The following DLGAP4 variants were observed in gnomAD, a reference collection of about 807,000 sequenced individuals.
The protein encoded by DLGAP4 is DLG associated protein 4.
Under a neutral mutation model 86.9 loss-of-function variants are expected in DLGAP4, and 18 were observed. That is an observed-to-expected ratio of 0.21 (90% CI 0.14 to 0.31). The LOEUF (loss-of-function observed/expected upper bound fraction) is 0.31, where lower values mean the gene tolerates loss of function less well. Ranked by LOEUF, DLGAP4 falls within the 10% of genes least tolerant of loss-of-function variation. The probability of loss-of-function intolerance (pLI) is 1.00; values close to 1 mark genes in which losing one functional copy is unlikely to be tolerated. For synonymous variants in DLGAP4, 548 were observed against 574.3 expected (o/e 0.95, Z 0.65); for missense variants, 1,085 against 1,362.6 (o/e 0.80, Z 3.21).
At chr20:36,497,324 A>G in intron 8 of DLGAP4, 1 of 1,345,798 alleles carries the variant, frequency 7.4e-7, no homozygotes, top group Non-Finnish European at 9.6e-7. Flanking sequence ...GAATGTAGTT[A>G]CACTCAGCCA....
At chr20:36,319,426 A>G (rs1282397352) in intron 1 of DLGAP4, among the ~76,000 whole-genome samples, 3 of 152,174 alleles carry the variant, frequency 2.0e-5, no homozygotes, top group African/African-American at 7.2e-5. Flanking sequence ...GCATACAGCA[A>G]GTCCCCAAAA....
chr20:36,494,966 GT>G lies in DLGAP4; in HGVS notation c.1649-1727del, dbSNP rs1176102036. ...CATCTCTACCAAAAGTAAAAAAGTG[GT>G]TTTTTTTTTTTGTTCGGTTTTTTTT... On this transcript the variant is annotated intron_variant, in intron 7 of 12. Coordinates refer to ENST00000339266, the MANE Select transcript of DLGAP4 (RefSeq NM_001365621.2). Among the ~76,000 whole-genome samples the G allele has an allele frequency of 3.5e-3, 378 of 108,678 alleles. 2 individuals are homozygous for G. Among genetic ancestry groups the G allele is most frequent in the Non-Finnish European group, 5.3e-3 (266 of 50,286 alleles). 71.3% of individuals were successfully genotyped at this position (108,678 alleles called of 152,430 possible).
chr20:36,346,922 C>T (rs541446004), intron 1 of DLGAP4, among the ~76,000 whole-genome samples: 29 of 152,196 alleles, frequency 1.9e-4, no homozygotes, highest in Non-Finnish European at 3.4e-4. Context: ...TTCAGTACCT[C>T]GGCCCAAGAC....
chr20:36,495,519 C>A (rs193275617), intron 7 of DLGAP4, among the ~76,000 whole-genome samples: 34 of 152,352 alleles, frequency 2.2e-4, no homozygotes, highest in Non-Finnish European at 4.6e-4. Context: ...CAACGTCACC[C>A]TCCCAGCAAA....
chr20:36,456,970 C>G (rs770026104), intron 7 of DLGAP4, among the ~76,000 whole-genome samples: 30 of 152,226 alleles, frequency 2.0e-4, no homozygotes, highest in Non-Finnish European at 3.2e-4. Flanking sequence ...GTTTATTGAT[C>G]AAGTGCTCTG....
intron 7 of DLGAP4, among the ~76,000 whole-genome samples, chr20:36,453,390 C>T (rs960078739): frequency 2.0e-5 from 3 of 152,152 alleles, no homozygotes; most frequent in African/African-American, 7.2e-5. Flanking sequence ...TGGCTCATAC[C>T]TATAATCCCA....
intron 1 of DLGAP4, among the ~76,000 whole-genome samples, chr20:36,315,808 A>G (rs2065094037): frequency 6.6e-6 from 1 of 152,130 alleles, no homozygotes; most frequent in Non-Finnish European, 1.5e-5. Flanking sequence ...CCTTCCCGGC[A>G]CTGGCATGGG....
intron 10 of DLGAP4, among the ~76,000 whole-genome samples, chr20:36,502,303 G>T (rs1329754881): frequency 6.6e-6 from 1 of 152,056 alleles, no homozygotes; most frequent in African/African-American, 2.4e-5. Context: ...AAAACGAATT[G>T]TTTGCCCTGT....
At chr20:36,403,314 A>G (rs996617588) in intron 2 of DLGAP4, among the ~76,000 whole-genome samples, 1 of 152,216 alleles carries the variant, frequency 6.6e-6, no homozygotes, top group Non-Finnish European at 1.5e-5. Context: ...CACTCCTGCA[A>G]TATCATTCAT....
At chr20:36,324,278 T>C (rs1029524565) in intron 1 of DLGAP4, among the ~76,000 whole-genome samples, 6 of 151,990 alleles carry the variant, frequency 3.9e-5, no homozygotes, top group African/African-American at 1.5e-4. Context: ...AATACAAAAA[T>C]TAGCTGGGTG....
At chr20:36,317,239 CTT>C (rs2065111006) in intron 1 of DLGAP4, among the ~76,000 whole-genome samples, 10 of 49,306 alleles carry the variant, frequency 2.0e-4, no homozygotes, top group African/African-American at 1.3e-3. Flanking sequence ...TTCTTTCTTT[CTT>C]TCTTTCTTTC....
intron 2 of DLGAP4, among the ~76,000 whole-genome samples, chr20:36,405,379 G>A (rs1227844158): frequency 6.6e-6 from 1 of 152,232 alleles, no homozygotes; most frequent in Non-Finnish European, 1.5e-5. Context: ...GTGAAAGTGA[G>A]TTAACATACG....
At chr20:36,379,637 A>AG in intron 2 of DLGAP4, among the ~76,000 whole-genome samples, 1 of 152,136 alleles carries the variant, frequency 6.6e-6, no homozygotes, top group East Asian at 1.9e-4. Flanking sequence ...GGTTGTGGGG[A>AG]GGGGCTTCCT....
intron 7 of DLGAP4, among the ~76,000 whole-genome samples, chr20:36,479,012 T>TC (rs2035065918): frequency 6.6e-6 from 1 of 152,142 alleles, no homozygotes; most frequent in Non-Finnish European, 1.5e-5. Context: ...CACTCCTCAG[T>TC]GTGGCTGACC....
At chr20:36,316,425 C>G (rs2065100337) in intron 1 of DLGAP4, among the ~76,000 whole-genome samples, 1 of 152,130 alleles carries the variant, frequency 6.6e-6, no homozygotes, top group African/African-American at 2.4e-5. Flanking sequence ...TGTTCCCTTT[C>G]CCTGGAAATC....
At chr20:36,334,972 G>A (rs574021625) in intron 1 of DLGAP4, among the ~76,000 whole-genome samples, 6 of 152,242 alleles carry the variant, frequency 3.9e-5, no homozygotes, top group Middle Eastern at 3.4e-3. Flanking sequence ...TTAATTCTCC[G>A]ACAGTCATAC....
At chr20:36,457,758 G>A (rs767092697) in intron 7 of DLGAP4, among the ~76,000 whole-genome samples, 4 of 151,556 alleles carry the variant, frequency 2.6e-5, no homozygotes, top group Non-Finnish European at 5.9e-5. Flanking sequence ...CTCATGATCC[G>A]CACACCTTGG....
chr20:36,470,159 T>C (rs1421172833), intron 7 of DLGAP4, among the ~76,000 whole-genome samples: 1 of 152,134 alleles, frequency 6.6e-6, no homozygotes, highest in African/African-American at 2.4e-5. Context: ...CCCTCCCTTA[T>C]CAGTTTCACT....
chr20:36,508,490 G>A (rs546755174), intron 10 of DLGAP4, among the ~76,000 whole-genome samples: 6 of 144,374 alleles, frequency 4.2e-5, no homozygotes, highest in Admixed American at 7.1e-5. Flanking sequence ...GCAATGGCGC[G>A]ATCTCGGCTC....
Sources: allele counts gnomAD v4.1 joint callset (sites outside exome capture counted in the v4.1 genomes callset), GRCh38; gene constraint gnomAD v4.1.1; transcripts MANE v1.5; gene names NCBI Gene and HGNC (gene_info 2026-07-23, HGNC 2026-07-21).